Variants in ATG16L1 observed in about 807,000 individuals in gnomAD.
ATG16L1 encodes the protein autophagy related 16 like 1.
In ATG16L1, 37 loss-of-function variants were observed where a neutral mutation model predicts 88.5. The ratio of observed to expected loss-of-function variants is 0.42; its 90% confidence interval spans 0.32 to 0.55. The LOEUF (loss-of-function observed/expected upper bound fraction) is 0.55, where lower values mean the gene tolerates loss of function less well. Ranked by LOEUF, ATG16L1 falls within the 20% of genes least tolerant of loss-of-function variation. The pLI is 0.13. For synonymous variants in ATG16L1, 301 were observed against 281.0 expected, an observed-to-expected ratio of 1.07 and a Z score of -0.71; for missense variants, 554 against 752.8, an observed-to-expected ratio of 0.74 and a Z score of 3.09.
chr2:233,261,572 T>A (rs772247300), intron 2 of ATG16L1, among the ~76,000 whole-genome samples: 1 of 152,308 alleles, frequency 6.6e-6, no homozygotes, highest in East Asian at 1.9e-4. Context: ...CATATAGAGA[T>A]GGAAGGACTG....
At chr2:233,287,750 C>T (rs531987693) in intron 12 of ATG16L1, among the ~76,000 whole-genome samples, 5 of 152,226 alleles carry the variant, frequency 3.3e-5, no homozygotes, top group Admixed American at 2.0e-4. Flanking sequence ...TGGTGGCACA[C>T]GCCTATAGTC....
At chr2:233,261,384 A>G (rs1253848166) in intron 2 of ATG16L1, among the ~76,000 whole-genome samples, 1 of 152,198 alleles carries the variant, frequency 6.6e-6, no homozygotes, top group African/African-American at 2.4e-5. Flanking sequence ...TACCATCTCA[A>G]TAATTTTTTA....
At position 233,285,715 on chromosome 2, in the gene ATG16L1, T is replaced by C. The variant is rs573247969; in HGVS notation, c.1203+2962T>C. ...CCAGAAAGTAAAATAGGCTCCTTAT[T>C]CTAGGGAGTGCTGGCTTTTTTTTAG... On this transcript the variant is annotated intron_variant, in intron 12 of 17. Coordinates refer to ENST00000392017, the MANE Select transcript of ATG16L1 (RefSeq NM_030803.7). 3.3e-5 allele frequency among the ~76,000 whole-genome samples: 5 copies of C among 152,290 alleles called. No homozygotes were observed. In the East Asian group the frequency reaches 9.6e-4, roughly 29 times the overall value.
chr2:233,256,825 C>T (rs894311405), intron 2 of ATG16L1, among the ~76,000 whole-genome samples: 2 of 151,938 alleles, frequency 1.3e-5, no homozygotes, highest in African/African-American at 4.8e-5. Context: ...CCTCAGCCTC[C>T]CAAATAGCTG....
intron 2 of ATG16L1, among the ~76,000 whole-genome samples, chr2:233,256,678 AT>A (rs1696797740): frequency 6.6e-6 from 1 of 150,824 alleles, no homozygotes; most frequent in South Asian, 2.1e-4. Flanking sequence ...GGTTCGACTT[AT>A]AATTTTTCTT....
intron 15 of ATG16L1, 46 bp downstream of exon 15, chr2:233,292,323 T>C (rs775846178): frequency 6.2e-7 from 1 of 1,610,476 alleles, no homozygotes; most frequent in Non-Finnish European, 8.5e-7. Flanking sequence ...GGCCCAGCCC[T>C]GCTCTCTTAA....
At chr2:233,284,943 G>A (rs1017995071) in intron 12 of ATG16L1, among the ~76,000 whole-genome samples, 2 of 152,216 alleles carry the variant, frequency 1.3e-5, no homozygotes, top group African/African-American at 2.4e-5. Context: ...ATCCAGGTCC[G>A]AACATGCAAA....
intron 2 of ATG16L1, among the ~76,000 whole-genome samples, chr2:233,257,778 G>A (rs529614803): frequency 1.8e-4 from 27 of 152,200 alleles, no homozygotes; most frequent in African/African-American, 6.3e-4. Context: ...AGGCCAAGGC[G>A]GGTGGATCAC....
At chr2:233,255,213 T>C (rs1407228016) in intron 1 of ATG16L1, among the ~76,000 whole-genome samples, 1 of 152,148 alleles carries the variant, frequency 6.6e-6, no homozygotes, top group African/African-American at 2.4e-5. Flanking sequence ...TAGTTTGCCT[T>C]CCTTGGCCTT....
intron 12 of ATG16L1, among the ~76,000 whole-genome samples, chr2:233,286,742 C>T (rs1379420828): frequency 2.0e-5 from 3 of 151,192 alleles, no homozygotes; most frequent in Admixed American, 1.3e-4. Flanking sequence ...TCTCCTGCCT[C>T]AGCCTCCCGA....
intron 1 of ATG16L1, among the ~76,000 whole-genome samples, chr2:233,255,251 C>A (rs1217021955): frequency 6.6e-6 from 1 of 152,186 alleles, no homozygotes; most frequent in East Asian, 1.9e-4. Context: ...CAGGCGTGAG[C>A]CACAGTAATA....
In ATG16L1 at chr2:233,289,934, C is replaced by T. The variant is rs202029236; in HGVS notation, c.1284C>T (p.His428=). ...LDNARIVSGS[H]DRTLKLWDLR... ...ATGCGCGGATTGTCTCAGGAAGTCA[C>T]GACCGGACTCTCAAACTCTGGGATC... The change falls in exon 13 of 18, where the codon CAC becomes CAT. Residue 428 remains histidine, a synonymous_variant. Coordinates refer to ENST00000392017, the MANE Select transcript of ATG16L1 (RefSeq NM_030803.7). 1.1e-4 allele frequency: 179 copies of T among 1,614,038 alleles called. No individual in the cohort carries two copies. Among genetic ancestry groups the T allele is most frequent in the Admixed American group, 2.2e-4 (13 of 60,004 alleles).
intron 1 of ATG16L1, among the ~76,000 whole-genome samples, chr2:233,254,337 G>A (rs933185359): frequency 2.6e-5 from 4 of 152,206 alleles, no homozygotes; most frequent in African/African-American, 4.8e-5. Context: ...TGCATGTTAA[G>A]ATCTTCTGTT....
intron 2 of ATG16L1, among the ~76,000 whole-genome samples, chr2:233,257,674 C>T (rs561550614): frequency 3.3e-5 from 5 of 152,222 alleles, no homozygotes; most frequent in South Asian, 2.1e-4. Context: ...TAGCAGATTG[C>T]AGTAAGCTCT....
At chr2:233,252,042 G>T in intron 1 of ATG16L1, 100 bp downstream of exon 1, 2 of 1,042,594 alleles carry the variant, frequency 1.9e-6, no homozygotes, top group South Asian at 2.0e-5. Flanking sequence ...GGCGCCGCCC[G>T]CACGCATGGC....
chr2:233,269,854 T>C, intron 5 of ATG16L1, 148 bp from the exon 6 acceptor site: 1 of 671,370 alleles, frequency 1.5e-6, no homozygotes. Context: ...GAGTTTGGGC[T>C]TGTGACTTTT....
chr2:233,286,936 T>C (rs770263295), intron 12 of ATG16L1, among the ~76,000 whole-genome samples: 4 of 151,902 alleles, frequency 2.6e-5, no homozygotes, highest in Non-Finnish European at 5.9e-5. Context: ...AGCCCAAACA[T>C]TGTAAAGAGC....
At chr2:233,291,846 C>T (rs746111664) in intron 14 of ATG16L1, among the ~76,000 whole-genome samples, 3 of 152,214 alleles carry the variant, frequency 2.0e-5, no homozygotes, top group Non-Finnish European at 2.9e-5. Context: ...CCCTAGTTAG[C>T]TCATGCTGAT....
At chr2:233,263,648 C>T (rs900917826) in intron 3 of ATG16L1, among the ~76,000 whole-genome samples, 1 of 152,160 alleles carries the variant, frequency 6.6e-6, no homozygotes, top group African/African-American at 2.4e-5. Context: ...GGTGGTCTTA[C>T]GGCAAAGCTC....
Sources: allele counts gnomAD v4.1 joint callset (sites outside exome capture counted in the v4.1 genomes callset), GRCh38; gene constraint gnomAD v4.1.1; transcripts MANE v1.5; gene names NCBI Gene and HGNC (gene_info 2026-07-23, HGNC 2026-07-21).